The following SV2C variants were observed in gnomAD, a reference collection of about 807,000 sequenced individuals.
The protein encoded by SV2C is synaptic vesicle glycoprotein 2C.
SV2C carries 49 observed loss-of-function variants against 79.7 expected under a neutral mutation model. The observed-to-expected ratio is 0.61, with a 90% CI of 0.49 to 0.78. SV2C has a LOEUF of 0.78. Ranked by LOEUF, SV2C falls within the 30% of genes least tolerant of loss-of-function variation. SV2C has a pLI of 0.00. For synonymous variants in SV2C, 334 were observed against 333.2 expected (o/e 1.00, Z -0.03); for missense variants, 833 against 912.9 (o/e 0.91, Z 1.13).
chr5:76,077,797 T>A, the SV2C span, among the ~76,000 whole-genome samples: 6 of 152,164 alleles, frequency 3.9e-5, no homozygotes, highest in African/African-American at 1.4e-4. Context: ...ATAGGGTCCA[T>A]GTGGATCTGG....
chr5:75,874,532 C>T, the SV2C span, among the ~76,000 whole-genome samples: 2 of 152,110 alleles, frequency 1.3e-5, no homozygotes, highest in African/African-American at 4.8e-5. Context: ...TTCTATTCAA[C>T]ACAGGATTGG....
Position 76,232,880 on chromosome 5 carries a change from C to T in SV2C, c.913+22993C>T, listed in dbSNP as rs1358917422. 9.1e-5 allele frequency among the ~76,000 whole-genome samples: 13 copies of T among 143,406 alleles called. 1 individual carries two copies. Among genetic ancestry groups the T allele is most frequent in the Admixed American group, 7.3e-4 (11 of 15,030 alleles). 94.1% of individuals were successfully genotyped at this position (143,406 alleles called of 152,430 possible). On this transcript the variant is annotated intron_variant, in intron 4 of 12. Transcript: ENST00000502798. ...TTTGAAGTCAGGTATTGTGATGCCTCCAGCTTTGTTCTTTTGGATTAGGAT... is the reference window on the plus strand; with the variant it reads ...TTTGAAGTCAGGTATTGTGATGCCTTCAGCTTTGTTCTTTTGGATTAGGAT...
Position 76,339,692 on chromosome 5 carries a change from C to T in SV2C, c.2001-13438C>T, listed in dbSNP as rs183120955. Reference sequence around the variant, plus strand: ...TTGTGCCACTGCACTCCAGCCTGGGCGACAGAGTGAGACTCTGTCTCAAAA... The same window carrying T: ...TTGTGCCACTGCACTCCAGCCTGGGTGACAGAGTGAGACTCTGTCTCAAAA... On this transcript the variant is annotated intron_variant, in intron 12 of 12. Transcript: ENST00000322285. 6.8e-4 allele frequency among the ~76,000 whole-genome samples: 97 copies of T among 142,126 alleles called. No homozygotes were observed. The Middle Eastern group carries it at 0.012, about 17-fold the overall frequency. 93.2% of individuals were successfully genotyped at this position (142,126 alleles called of 152,430 possible).
At chr5:76,049,704 G>T in the SV2C span, among the ~76,000 whole-genome samples, 1 of 152,160 alleles carries the variant, frequency 6.6e-6, no homozygotes, top group African/African-American at 2.4e-5. Flanking sequence ...TTGGGTTTTG[G>T]TGTTTTTATT....
chr5:76,061,873 C>T, the SV2C span, among the ~76,000 whole-genome samples: 1 of 151,996 alleles, frequency 6.6e-6, no homozygotes, highest in Non-Finnish European at 1.5e-5. Context: ...AAAAATGGAT[C>T]AAGTAATCAC....
chr5:75,889,623 T>G, the SV2C span, among the ~76,000 whole-genome samples: 2 of 152,098 alleles, frequency 1.3e-5, no homozygotes, highest in Non-Finnish European at 1.5e-5. Flanking sequence ...AATTAATTTT[T>G]AAAGATTATC....
At chr5:76,064,095 A>G in the SV2C span, among the ~76,000 whole-genome samples, 1 of 152,176 alleles carries the variant, frequency 6.6e-6, no homozygotes, top group Non-Finnish European at 1.5e-5. Context: ...ATATAAGACT[A>G]TCCTCTTACT....
At chr5:76,255,647 G>A (rs1463138706) in intron 4 of SV2C, among the ~76,000 whole-genome samples, 5 of 152,160 alleles carry the variant, frequency 3.3e-5, no homozygotes, top group Non-Finnish European at 7.3e-5. Flanking sequence ...TTGCCATCAA[G>A]TAACCCTTAC....
At chr5:75,932,407 G>A in the SV2C span, among the ~76,000 whole-genome samples, 1 of 152,094 alleles carries the variant, frequency 6.6e-6, no homozygotes, top group South Asian at 2.1e-4. Flanking sequence ...GAACCCAGCA[G>A]TGCTAGAGGA....
rs1188720606 is a variant in SV2C at position 76,113,886 on chromosome 5, TA to T, written c.-101-17762del. Among the ~76,000 whole-genome samples the T allele has an allele frequency of 2.0e-5, 3 of 152,142 alleles. No individual in the cohort carries two copies. The East Asian group carries it at 5.8e-4, about 29-fold the overall frequency. Reference sequence around the variant, plus strand: ...CCTAGATCTCTTACGCTACTCTTTCTAACGCATAGATTTGTACTTTCCTCCC... The same window carrying T: ...CCTAGATCTCTTACGCTACTCTTTCTACGCATAGATTTGTACTTTCCTCCC... On this transcript the variant is annotated intron_variant, in intron 1 of 12. Transcript: ENST00000502798.
chr5:76,084,954 G>A (rs1747131132), intron 1 of SV2C, among the ~76,000 whole-genome samples: 1 of 152,154 alleles, frequency 6.6e-6, no homozygotes, highest in African/African-American at 2.4e-5. Context: ...CTCCCCGGGG[G>A]ACCGAGGAGA....
At chr5:76,053,534 A>G in the SV2C span, among the ~76,000 whole-genome samples, 1 of 152,192 alleles carries the variant, frequency 6.6e-6, no homozygotes. Flanking sequence ...TTCATTGTCC[A>G]TAATTACTTT....
the SV2C span, among the ~76,000 whole-genome samples, chr5:76,071,333 G>A: frequency 6.6e-6 from 1 of 152,204 alleles, no homozygotes; most frequent in African/African-American, 2.4e-5. Flanking sequence ...AAAAGAACCT[G>A]CAGTTCTGAG....
intron 1 of SV2C, among the ~76,000 whole-genome samples, chr5:76,127,707 T>A (rs368000867): frequency 6.6e-6 from 1 of 152,342 alleles, no homozygotes. Context: ...CTAGTGGAAC[T>A]GCCTTGCCTT....
chr5:75,867,813 C>G, the SV2C span, among the ~76,000 whole-genome samples: 1 of 152,212 alleles, frequency 6.6e-6, no homozygotes. Context: ...GTTTTTACCT[C>G]TCTCAGCAAA....
At chr5:76,265,539 C>T (rs1200521488) in intron 4 of SV2C, among the ~76,000 whole-genome samples, 1 of 152,234 alleles carries the variant, frequency 6.6e-6, no homozygotes, top group African/African-American at 2.4e-5. Flanking sequence ...AATACTCCTA[C>T]AGCTAGCTTG....
intron 1 of SV2C, among the ~76,000 whole-genome samples, chr5:76,093,055 A>C (rs779185384): frequency 2.0e-5 from 3 of 152,142 alleles, no homozygotes; most frequent in Non-Finnish European, 4.4e-5. Flanking sequence ...ATTATTTTTA[A>C]ACCTTTTTTA....
At chr5:75,894,455 G>A in the SV2C span, among the ~76,000 whole-genome samples, 2 of 151,980 alleles carry the variant, frequency 1.3e-5, no homozygotes, top group African/African-American at 4.8e-5. Flanking sequence ...AACAGCTCAT[G>A]ATGCCAGTGA....
intron 1 of SV2C, 130 bp from the exon 2 acceptor site, chr5:76,131,520 A>C: frequency 3.2e-6 from 1 of 310,288 alleles, no homozygotes; most frequent in Non-Finnish European, 5.8e-6. Flanking sequence ...AGATCAAAAA[A>C]AAAAAAAAAA....
Sources: gnomAD v4.1 joint callset for allele counts (sites outside exome capture counted in the v4.1 genomes callset) on GRCh38, gnomAD v4.1.1 for gene constraint, MANE v1.5 for transcripts, NCBI Gene and HGNC (gene_info 2026-07-23, HGNC 2026-07-21) for gene names.